The following SSR1 variants were observed in gnomAD, a reference collection of about 807,000 sequenced individuals.
SSR1 encodes translocon-associated protein subunit alpha.
In SSR1, 13 loss-of-function variants were observed where a neutral mutation model predicts 36.1. The ratio of observed to expected loss-of-function variants is 0.36; its 90% CI spans 0.23 to 0.57. The LOEUF (loss-of-function observed/expected upper bound fraction) is 0.57. Ranked by LOEUF, SSR1 falls within the 20% of genes least tolerant of loss-of-function variation. The pLI is 0.81. For synonymous variants in SSR1, 113 were observed against 118.9 expected (o/e 0.95, Z 0.32); for missense variants, 291 against 338.5 (o/e 0.86, Z 1.10).
intron 1 of SSR1, 75 bp downstream of exon 1, chr6:7,312,967 C>T (rs1758241688): frequency 6.8e-7 from 1 of 1,465,302 alleles, no homozygotes; most frequent in Non-Finnish European, 9.3e-7. Context: ...GAGCGGCCAC[C>T]GCCTCCAACT....
At chr6:7,292,469 T>C (rs1247236862) in intron 7 of SSR1, among the ~76,000 whole-genome samples, 1 of 152,250 alleles carries the variant, frequency 6.6e-6, no homozygotes, top group Non-Finnish European at 1.5e-5. Context: ...TTCTGTGCTT[T>C]ACTGAAATCG....
At position 7,313,146 on chromosome 6, in the gene SSR1, T is replaced by C; in HGVS notation, c.-26A>G. 6.3e-7 allele frequency: 1 copy of C among 1,589,380 alleles called. No individual in the cohort carries two copies. Among genetic ancestry groups the C allele is most frequent in the Non-Finnish European group, 8.6e-7 (1 of 1,167,782 alleles). On this transcript the variant is annotated 5_prime_UTR_variant, in exon 1 of 8. Transcript: ENST00000244763. ...GGCGCTGCCGGTCCAGTGTCCAGTT[T>C]CCGTCGGCTAAGGCTCTCGGCGGCT...
At position 7,301,673 on chromosome 6, in the gene SSR1, C is replaced by T. The variant is rs759023037; in HGVS notation, c.281-101G>A. ...GGATTCTGGCACCCTTTCCTGTGGA[C>T]TTTGGTGTCAGAATCCCTTCCAATA... On this transcript the variant is annotated intron_variant, in intron 3 of 7. Coordinates refer to ENST00000244763, the MANE Select transcript of SSR1 (RefSeq NM_003144.5). 60 of 1,279,724 alleles carry T rather than the reference C, an allele frequency of 4.7e-5. 1 individual carries two copies. Among genetic ancestry groups the T allele is most frequent in the Non-Finnish European group, 5.7e-5 (54 of 945,948 alleles). 79.3% of individuals were successfully genotyped at this position (1,279,724 alleles called of 1,614,324 possible).
intron 2 of SSR1, among the ~76,000 whole-genome samples, chr6:7,309,595 T>C (rs1046223623): frequency 2.6e-5 from 4 of 152,220 alleles, no homozygotes. Flanking sequence ...GGGAGGTAAA[T>C]GAATCACGGG....
intron 1 of SSR1, among the ~76,000 whole-genome samples, chr6:7,310,567 CCT>C (rs2113304217): frequency 6.6e-6 from 1 of 152,142 alleles, no homozygotes; most frequent in Admixed American, 6.5e-5. Flanking sequence ...AAATGTAATC[CCT>C]GTCATTAACC....
At chr6:7,295,713 A>T (rs772610784) in intron 6 of SSR1, among the ~76,000 whole-genome samples, 2 of 152,238 alleles carry the variant, frequency 1.3e-5, no homozygotes, top group Admixed American at 6.5e-5. Flanking sequence ...CTTAATTTAA[A>T]TATCTTGGTA....
chr6:7,302,622 C>T (rs926566963), intron 3 of SSR1, among the ~76,000 whole-genome samples: 3 of 151,684 alleles, frequency 2.0e-5, no homozygotes, highest in Non-Finnish European at 4.4e-5. Flanking sequence ...ATTAGCTGGG[C>T]GTGATGGAGC....
In SSR1 at chr6:7,304,560, G is replaced by A. The variant is rs537286681; in HGVS notation, c.193-923C>T. Among the ~76,000 whole-genome samples the A allele has an allele frequency of 1.1e-4, 17 of 152,142 alleles. No homozygotes were observed. In the South Asian group the frequency reaches 2.3e-3, roughly 20 times the overall value. On this transcript the variant is annotated intron_variant, in intron 2 of 7. Coordinates refer to ENST00000244763, the MANE Select transcript of SSR1 (RefSeq NM_003144.5). ...GAGATCTTCCTGGGTTGATAGAAAC[G>A]TCCTAAAACTGAATTTATGTTGCAG...
intron 2 of SSR1, 148 bp downstream of exon 2, chr6:7,309,769 G>C: frequency 5.9e-6 from 4 of 673,506 alleles, no homozygotes; most frequent in South Asian, 5.1e-5. Context: ...GTTTCCTGAG[G>C]CCTCCCCAGT....
chr6:7,307,001 TG>T (rs1758083101), intron 2 of SSR1, among the ~76,000 whole-genome samples: 3 of 151,804 alleles, frequency 2.0e-5, no homozygotes, highest in Admixed American at 1.3e-4. Context: ...CAATAACCTG[TG>T]TCTAAACCAG....
At chr6:7,291,685 CTT>C (rs1189630568) in intron 7 of SSR1, among the ~76,000 whole-genome samples, 2 of 149,908 alleles carry the variant, frequency 1.3e-5, no homozygotes, top group African/African-American at 4.9e-5. Context: ...CTAAATAAAA[CTT>C]TTTCAAATAA....
chr6:7,298,761 C>T lies in SSR1; in HGVS notation c.606G>A (p.Gly202=), dbSNP rs1274210318. The change falls in exon 5 of 8, where the codon GGG becomes GGA. Residue 202 remains glycine (G), a synonymous_variant. Transcript: ENST00000244763. The part of the protein sequence containing the change: ...QTVTVIERED[G]LDGETIFMYM... ...CTTTCACTTACGTTTCTCCATCTAA[C>T]CCATCCTCTCTTTCAATAACTGTAA... The T allele has an allele frequency of 1.2e-6, 2 of 1,613,014 alleles. No individual in the cohort carries two copies. The highest frequency in any genetic ancestry group is 1.7e-6 in the Non-Finnish European group (2 of 1,179,386).
At chr6:7,291,427 A>T (rs1349886253) in intron 7 of SSR1, among the ~76,000 whole-genome samples, 1 of 152,042 alleles carries the variant, frequency 6.6e-6, no homozygotes, top group Admixed American at 6.5e-5. Context: ...TAAGGGCTAA[A>T]ATATTAAGAC....
chr6:7,308,113 C>A (rs184438830), intron 2 of SSR1, among the ~76,000 whole-genome samples: 3 of 152,196 alleles, frequency 2.0e-5, no homozygotes, highest in African/African-American at 7.2e-5. Context: ...GGGTTGAAGA[C>A]GTGGAGTCTT....
intron 4 of SSR1, among the ~76,000 whole-genome samples, chr6:7,299,566 C>T (rs1278120506): frequency 2.6e-5 from 4 of 151,870 alleles, no homozygotes; most frequent in South Asian, 4.2e-4. Context: ...GGTATGGTTG[C>T]GCATGCCTGT....
At chr6:7,310,682 G>A (rs188977688) in intron 1 of SSR1, among the ~76,000 whole-genome samples, 52 of 152,278 alleles carry the variant, frequency 3.4e-4, no homozygotes, top group Middle Eastern at 6.8e-3. Flanking sequence ...AGGCTGAGGA[G>A]GGTGAATTAC....
At position 7,309,979 on chromosome 6, in the gene SSR1, C is replaced by A. The variant is rs749484391; in HGVS notation, c.130G>T (p.Asp44Tyr). 2 of 1,614,018 alleles carry A rather than the reference C, an allele frequency of 1.2e-6. No individual in the cohort carries two copies. The highest frequency in any genetic ancestry group is 2.2e-5 in the East Asian group (1 of 44,856). ...TCATCTTCATCCTCAATTATGGAAT[C>A]TTCTACTGTTTCTTCATCCTCTGTA... The part of the protein sequence containing the change: ...DLTEDEETVE[D>Y]SIIEDEDDEA... Residue 44 changes from aspartate to tyrosine, a missense_variant, in exon 2 of 8, where the codon GAT (aspartate) becomes TAT (tyrosine). Asp to Tyr is a radical substitution (Grantham distance 160). Transcript: ENST00000244763.
rs1402005628 is a variant in SSR1, at chr6:7,287,757, T to C, written c.*2107A>G. 2 of 152,636 alleles carry C rather than the reference T, an allele frequency of 1.3e-5. No individual in the cohort carries two copies. The highest frequency in any genetic ancestry group is 2.9e-5 in the Non-Finnish European group (2 of 68,042). The allele number at this position is 152,636 out of a possible 1,614,324, so 9.5% of individuals were successfully genotyped here. A position where few individuals can be genotyped will look rare whatever the true frequency, so the allele number is the denominator to read the frequency against. ...AAACTTCATCCAAATATTTACATTT[T>C]AAAAAGACATTTAAAAAATAGGCTA... On this transcript the variant is annotated 3_prime_UTR_variant, in exon 8 of 8. Transcript: ENST00000244763.
rs1394766483 is a variant in SSR1 at position 7,285,684 on chromosome 6, AAAAAAGAAAAAG to A, written c.*4168_*4179del. 8.7e-6 allele frequency: 1 copy of A among 114,734 alleles called. No homozygotes were observed. The highest frequency in any genetic ancestry group is 2.2e-4 in the East Asian group (1 of 4,620). 7.1% of individuals were successfully genotyped at this position (114,734 alleles called of 1,614,324 possible). A position where few individuals can be genotyped will look rare whatever the true frequency, so the allele number is the denominator to read the frequency against. On this transcript the variant is annotated 3_prime_UTR_variant, in exon 8 of 8. Coordinates refer to ENST00000244763, the MANE Select transcript of SSR1 (RefSeq NM_003144.5). This position sits in a 1 kb window ranked among gnomAD's most constrained non-coding sequence, Gnocchi z 4.1. ...ATACAGTGAGACCCCATGTCAAAAA[AAAAAAGAAAAAG>A]AAAAAGAAAAAAGATAAAAGCAGCT... is the stretch of plus-strand genomic sequence containing the variant.
Sources: allele counts gnomAD v4.1 joint callset (sites outside exome capture counted in the v4.1 genomes callset), GRCh38; gene constraint gnomAD v4.1.1; non-coding constraint Gnocchi (gnomAD v3.1); transcripts MANE v1.5; gene names NCBI Gene and HGNC (gene_info 2026-07-23, HGNC 2026-07-21).